MYBPC2: variants seen among roughly 807,000 people sequenced by gnomAD.
The protein encoded by MYBPC2 is myosin-binding protein C, fast-type.
In MYBPC2, 122 loss-of-function variants were observed where a neutral mutation model predicts 137.0. The observed-to-expected ratio is 0.89, with a 90% CI of 0.77 to 1.03. The LOEUF (loss-of-function observed/expected upper bound fraction) is 1.03, where lower values mean the gene tolerates loss of function less well. Ranked by LOEUF, MYBPC2 falls within the 50% of genes least tolerant of loss-of-function variation. The probability of loss-of-function intolerance (pLI) is 0.00; values close to 1 mark genes in which losing one functional copy is unlikely to be tolerated. For synonymous variants in MYBPC2, 626 were observed against 612.3 expected (o/e 1.02, Z -0.33); for missense variants, 1,500 against 1,534.4 (o/e 0.98, Z 0.37).
At position 50,462,339 on chromosome 19, in the gene MYBPC2, A is replaced by G. The variant is rs373871482; in HGVS notation, c.3228+303A>G. Among the ~76,000 whole-genome samples the G allele has an allele frequency of 1.9e-4, 29 of 152,066 alleles. No homozygotes were observed. In the South Asian group the frequency reaches 5.8e-3, roughly 31 times the overall value. The stretch of plus-strand genomic sequence containing the variant: ...GTAGCTGGGACCACAGGCATGAACC[A>G]CTGTGGCCAGCTAATTTTATAATTT... On this transcript the variant is annotated intron_variant, in intron 26 of 27. Transcript: ENST00000357701.
At position 50,454,095 on chromosome 19, in the gene MYBPC2, C is replaced by G. The variant is rs1431072390; in HGVS notation, c.1825C>G (p.Gln609Glu). The G allele has an allele frequency of 1.2e-6, 2 of 1,612,180 alleles. No individual in the cohort carries two copies. The highest frequency in any genetic ancestry group is 4.5e-5 in the East Asian group (2 of 44,816). The change falls in exon 17 of 28, where the codon CAG becomes GAG. Residue 609 changes from glutamine to glutamate, a missense_variant. By Grantham distance (29) the Gln-to-Glu change is conservative. Transcript: ENST00000357701. ...CAGCAGCTTTGTGATTGAGAGTGCGCAGCGGGAAGACGAGGGCCGCTACAC... is the reference window on the plus strand; with the variant it reads ...CAGCAGCTTTGTGATTGAGAGTGCGGAGCGGGAAGACGAGGGCCGCTACAC... ...DCSSFVIESA[Q>E]REDEGRYTIK... is the part of the protein sequence containing the mutation.
rs369185335 is a variant in MYBPC2, at chr19:50,437,050, G to C, written c.463+316G>C. On this transcript the variant is annotated intron_variant, in intron 5 of 27. Transcript: ENST00000357701. ...GGAAGTGAGGGTGTCCAGGTTTAGA[G>C]AAGAAGGATGTAGGGGTTTAGAGTG... Among the ~76,000 whole-genome samples, 40 of 152,252 alleles carry C rather than the reference G, an allele frequency of 2.6e-4. No individual in the cohort carries two copies. In the East Asian group the frequency reaches 5.0e-3, roughly 19 times the overall value.
Position 50,437,518 on chromosome 19 carries a change from G to A in MYBPC2, c.509G>A (p.Arg170His), listed in dbSNP as rs138764172. 7.4e-4 allele frequency: 1,193 copies of A among 1,610,074 alleles called. 13 individuals carry two copies. The African/African-American group carries it at 0.014, about 19-fold the overall frequency. ...ASGQSLESFK[R>H]TSEKKSDTAG... The stretch of plus-strand genomic sequence containing the variant: ...GGGCAGAGTCTAGAAAGCTTCAAGC[G>A]TACGTAAGTGACCCCAGGCCCTTAC... The change falls in exon 6 of 28, where the codon CGT becomes CAT. Residue 170 changes from arginine (R) to histidine (H), a missense_variant. Physicochemically the swap from Arg to His is conservative, Grantham distance 29. Transcript: ENST00000357701.
At chr19:50,458,449 C>T in intron 20 of MYBPC2, 138 bp from the exon 21 acceptor site, 1 of 1,019,040 alleles carries the variant, frequency 9.8e-7, no homozygotes, top group Non-Finnish European at 1.4e-6. Context: ...TTAACTAACT[C>T]CAGCTGCTGC....
intron 8 of MYBPC2, among the ~76,000 whole-genome samples, chr19:50,441,641 A>G (rs2039756527): frequency 1.3e-5 from 2 of 151,984 alleles, no homozygotes; most frequent in African/African-American, 4.8e-5. Context: ...GGAGTTCGAG[A>G]CCAGCCTGGC....
chr19:50,443,849 G>T, intron 11 of MYBPC2, 33 bp downstream of exon 11: 1 of 1,581,636 alleles, frequency 6.3e-7, no homozygotes, highest in South Asian at 1.1e-5. Context: ...TCTCCATACA[G>T]GTGCACATAG....
At chr19:50,452,544 C>CTATCTATG (rs1568664709) in intron 16 of MYBPC2, among the ~76,000 whole-genome samples, 5 of 146,508 alleles carry the variant, frequency 3.4e-5, no homozygotes, top group Non-Finnish European at 7.6e-5. Context: ...ATCTATGTAT[C>CTATCTATG]TATCTATCTA....
At chr19:50,443,876 T>TGCC in intron 11 of MYBPC2, 60 bp downstream of exon 11, 1 of 1,488,406 alleles carries the variant, frequency 6.7e-7, no homozygotes, top group South Asian at 1.2e-5. Flanking sequence ...TGCCTCTGCC[T>TGCC]TGATCTTTAT....
chr19:50,440,927 A>G lies in MYBPC2; in HGVS notation c.620A>G (p.Asp207Gly). 6.2e-7 allele frequency: 1 copy of G among 1,613,732 alleles called. No individual in the cohort carries two copies. Among genetic ancestry groups the G allele is most frequent in the South Asian group, 1.1e-5 (1 of 91,056 alleles). ...AAGAAGAAAAAGAAAGATGACGATG[A>G]CCTAGGCATCCCCCCGGAGATTTGG... ...EKKKKKKDDD[D>G]LGIPPEIWEL... The change falls in exon 8 of 28, where the codon GAC becomes GGC. Residue 207 changes from aspartate to glycine, a missense_variant. Transcript: ENST00000357701.
chr19:50,437,772 G>A (rs1568658055), intron 7 of MYBPC2, 54 bp downstream of exon 7: 1 of 1,551,170 alleles, frequency 6.4e-7, no homozygotes, highest in Non-Finnish European at 8.7e-7. Flanking sequence ...GGGAGGAGGT[G>A]GTGGGTGAAG....
At chr19:50,460,469 C>G (rs2039962155) in intron 24 of MYBPC2, among the ~76,000 whole-genome samples, 1 of 152,168 alleles carries the variant, frequency 6.6e-6, no homozygotes, top group Non-Finnish European at 1.5e-5. Context: ...TCTACCCAGT[C>G]CATTTTCATC....
chr19:50,458,520 C>G, intron 20 of MYBPC2, 67 bp from the exon 21 acceptor site: 2 of 1,567,888 alleles, frequency 1.3e-6, no homozygotes, highest in Non-Finnish European at 1.7e-6. Context: ...GCCCAAGTCC[C>G]CGGGAGAAAC....
chr19:50,433,008 G>A (rs544295683), intron 1 of MYBPC2, 36 bp downstream of exon 1: 6 of 1,564,072 alleles, frequency 3.8e-6, no homozygotes, highest in Non-Finnish European at 5.2e-6. Flanking sequence ...TGGGGATGGG[G>A]CTCTTCTTTT....
At position 50,459,324 on chromosome 19, in the gene MYBPC2, G is replaced by T; in HGVS notation, c.2791+18G>T. The T allele has an allele frequency of 1.3e-6, 2 of 1,581,894 alleles. No individual in the cohort carries two copies. Among genetic ancestry groups the T allele is most frequent in the South Asian group, 2.3e-5 (2 of 87,064 alleles). ...CGTTGTGGGTGCGCGCGCTGGGGAGGGCCCCTGGAGGCCGGGAGGGGCAGG... is the reference window on the plus strand; with the variant it reads ...CGTTGTGGGTGCGCGCGCTGGGGAGTGCCCCTGGAGGCCGGGAGGGGCAGG... On this transcript the variant is annotated intron_variant, in intron 23 of 27. Transcript: ENST00000357701.
intron 1 of MYBPC2, among the ~76,000 whole-genome samples, chr19:50,433,460 A>C (rs1469417927): frequency 6.6e-6 from 1 of 150,780 alleles, no homozygotes; most frequent in Non-Finnish European, 1.5e-5. Context: ...GCTGGACTGC[A>C]TTGGTGCGAT....
At chr19:50,460,710 T>A (rs2039964266) in intron 24 of MYBPC2, among the ~76,000 whole-genome samples, 2 of 152,166 alleles carry the variant, frequency 1.3e-5, no homozygotes, top group African/African-American at 4.8e-5. Context: ...TTAGAATTCT[T>A]TTTTTTGAGA....
At chr19:50,453,530 T>C (rs1396345116) in intron 16 of MYBPC2, among the ~76,000 whole-genome samples, 1 of 151,336 alleles carries the variant, frequency 6.6e-6, no homozygotes, top group African/African-American at 2.4e-5. Flanking sequence ...TGTTGTTTGG[T>C]TGGTTTCTTT....
chr19:50,442,281 C>T lies in MYBPC2; in HGVS notation c.870C>T (p.Phe290=). The change falls in exon 9 of 28, where the codon TTC becomes TTT. Residue 290 remains phenylalanine (F), a synonymous_variant. Transcript: ENST00000357701. ...ISDPDLTLKW[F]KNGQEIKPSS... ...ACCCAGACCTGACCCTCAAGTGGTT[C>T]AAGAACGGCCAGGAGATCAAACCAA... 1.2e-6 allele frequency: 2 copies of T among 1,608,040 alleles called. No homozygotes were observed. Among genetic ancestry groups the T allele is most frequent in the Non-Finnish European group, 1.7e-6 (2 of 1,177,368 alleles).
chr19:50,464,954 C>T (rs2040001910), intron 27 of MYBPC2, among the ~76,000 whole-genome samples: 1 of 152,110 alleles, frequency 6.6e-6, no homozygotes, highest in Non-Finnish European at 1.5e-5. Flanking sequence ...TCCCACCCAC[C>T]TGCCCCTGCC....
Sources: allele counts gnomAD v4.1 joint callset (sites outside exome capture counted in the v4.1 genomes callset), GRCh38; gene constraint gnomAD v4.1.1; transcripts MANE v1.5; gene names NCBI Gene and HGNC (gene_info 2026-07-23, HGNC 2026-07-21).